The following L3MBTL4 variants were observed in gnomAD, a reference collection of about 807,000 sequenced individuals.
L3MBTL4 encodes L3MBTL histone methyl-lysine binding protein 4.
Under a neutral mutation model 84.5 loss-of-function variants are expected in L3MBTL4, and 70 were observed. The ratio of observed to expected loss-of-function variants is 0.83; its 90% CI spans 0.68 to 1.01. The LOEUF is 1.01. Among genes scored for constraint, L3MBTL4 ranks in the 50% least tolerant of loss-of-function variants. The pLI is 0.00. For synonymous variants in L3MBTL4, 274 were observed against 259.8 expected, an observed-to-expected ratio of 1.05 and a Z score of -0.52; for missense variants, 715 against 754.8, an observed-to-expected ratio of 0.95 and a Z score of 0.62.
At chr18:5,966,492 TC>T (rs2052360253) in intron 17 of L3MBTL4, among the ~76,000 whole-genome samples, 1 of 152,066 alleles carries the variant, frequency 6.6e-6, no homozygotes, top group Non-Finnish European at 1.5e-5. Context: ...TTGCGGCTCT[TC>T]TTTCCTCTTT....
intron 1 of L3MBTL4, among the ~76,000 whole-genome samples, chr18:6,313,076 A>G (rs1385990199): frequency 1.3e-5 from 2 of 152,094 alleles, no homozygotes; most frequent in African/African-American, 4.8e-5. Flanking sequence ...TCTACATTGC[A>G]TTTCTTGTGC....
At chr18:6,301,804 A>G in intron 4 of L3MBTL4, 99 bp downstream of exon 4, 1 of 882,102 alleles carries the variant, frequency 1.1e-6, no homozygotes, top group South Asian at 1.3e-5. Context: ...ATTATCACAT[A>G]TTTTAATTAA....
chr18:6,296,972 C>T (rs2050133611), intron 4 of L3MBTL4, among the ~76,000 whole-genome samples: 1 of 152,132 alleles, frequency 6.6e-6, no homozygotes, highest in Non-Finnish European at 1.5e-5. Flanking sequence ...GAGAAGCAGA[C>T]TGAACACTGG....
At chr18:6,408,366 A>G (rs1347319970) in intron 1 of L3MBTL4, among the ~76,000 whole-genome samples, 1 of 152,222 alleles carries the variant, frequency 6.6e-6, no homozygotes, top group Non-Finnish European at 1.5e-5. Flanking sequence ...TATATAGCTG[A>G]CCCCACCAGC....
At chr18:6,209,111 A>G (rs1487659109) in intron 12 of L3MBTL4, among the ~76,000 whole-genome samples, 1 of 152,208 alleles carries the variant, frequency 6.6e-6, no homozygotes, top group East Asian at 1.9e-4. Context: ...TGGCTTCTGA[A>G]TAGAAACATG....
intron 12 of L3MBTL4, among the ~76,000 whole-genome samples, chr18:6,178,917 C>T (rs2044343333): frequency 1.3e-5 from 2 of 152,176 alleles, no homozygotes; most frequent in Admixed American, 6.5e-5. Context: ...ACCCCAACGC[C>T]TCAGTCATGT....
chr18:5,999,275 T>C (rs190631504), intron 16 of L3MBTL4, among the ~76,000 whole-genome samples: 5 of 152,374 alleles, frequency 3.3e-5, no homozygotes, highest in Admixed American at 6.5e-5. Context: ...CTAGTTCAGA[T>C]GCTATCTTCT....
chr18:6,190,988 G>A (rs539956970), intron 12 of L3MBTL4, among the ~76,000 whole-genome samples: 136 of 152,306 alleles, frequency 8.9e-4, no homozygotes, highest in African/African-American at 3.1e-3. Context: ...AAGGCGGTAA[G>A]AGTTAAGGTC....
chr18:6,270,147 T>A (rs1344282473), intron 4 of L3MBTL4, among the ~76,000 whole-genome samples: 1 of 152,182 alleles, frequency 6.6e-6, no homozygotes, highest in East Asian at 1.9e-4. Flanking sequence ...TGGTACCAAC[T>A]GGAAATGATA....
rs113134961 is a variant in L3MBTL4, at chr18:6,196,320, T to G, written c.981+16829A>C. Reference sequence around the variant, plus strand: ...CTACAGGCGCCCGCCACCACGCCCGTCTAATTTTTTGTATTTTTAGTAAAG... The same window carrying G: ...CTACAGGCGCCCGCCACCACGCCCGGCTAATTTTTTGTATTTTTAGTAAAG... On this transcript the variant is annotated intron_variant, in intron 12 of 18. Coordinates refer to ENST00000317931, the MANE Select transcript of L3MBTL4 (RefSeq NM_001330559.2). 1.1e-3 allele frequency among the ~76,000 whole-genome samples: 173 copies of G among 151,636 alleles called. 1 individual carries two copies. The highest frequency in any genetic ancestry group is 3.4e-3 in the Middle Eastern group (1 of 294).
intron 10 of L3MBTL4, among the ~76,000 whole-genome samples, chr18:6,232,434 T>G (rs1323240728): frequency 1.3e-5 from 2 of 152,128 alleles, no homozygotes; most frequent in African/African-American, 4.8e-5. Flanking sequence ...CATCTTCTGT[T>G]TTTTGGAAAA....
intron 1 of L3MBTL4, among the ~76,000 whole-genome samples, chr18:6,348,510 A>G (rs2053027288): frequency 6.6e-6 from 1 of 152,172 alleles, no homozygotes; most frequent in Non-Finnish European, 1.5e-5. Context: ...ATGATCTTGA[A>G]TGAATAGTAC....
intron 4 of L3MBTL4, among the ~76,000 whole-genome samples, chr18:6,271,803 G>C (rs2048883108): frequency 6.6e-6 from 1 of 152,100 alleles, no homozygotes; most frequent in Admixed American, 6.5e-5. Context: ...CCTGGGAGAG[G>C]GTTTTCACGG....
intron 10 of L3MBTL4, among the ~76,000 whole-genome samples, chr18:6,217,880 A>G (rs1342295095): frequency 6.6e-6 from 1 of 151,840 alleles, no homozygotes; most frequent in Non-Finnish European, 1.5e-5. Context: ...CATCGTTTTT[A>G]CTTTTATATT....
chr18:6,208,040 T>C (rs1283224172), intron 12 of L3MBTL4, among the ~76,000 whole-genome samples: 1 of 151,840 alleles, frequency 6.6e-6, no homozygotes, highest in African/African-American at 2.4e-5. Flanking sequence ...TGTGAGCCCA[T>C]GGAGGTCAAG....
rs979857942 is a variant in L3MBTL4 at position 6,260,225 on chromosome 18, T to C, written c.219+3722A>G. The C allele has an allele frequency of 2.0e-5, 3 of 152,284 alleles. No individual in the cohort carries two copies. The South Asian group carries it at 6.2e-4, about 32-fold the overall frequency. The allele number at this position is 152,284 out of a possible 1,614,324, so 9.4% of individuals were successfully genotyped here. On this transcript the variant is annotated intron_variant, in intron 5 of 18. Coordinates refer to ENST00000317931, the MANE Select transcript of L3MBTL4 (RefSeq NM_001330559.2). Reference sequence around the variant, plus strand: ...TATAGTCTGAAGTCAGGTAATACGATGCTTTGTTATTTTTGCTTAGGATTG... The same window carrying C: ...TATAGTCTGAAGTCAGGTAATACGACGCTTTGTTATTTTTGCTTAGGATTG...
chr18:6,040,198 A>G (rs1411483741), intron 16 of L3MBTL4, among the ~76,000 whole-genome samples: 1 of 152,186 alleles, frequency 6.6e-6, no homozygotes, highest in African/African-American at 2.4e-5. Flanking sequence ...ATAAATAAAT[A>G]AACTTTTAAA....
chr18:6,016,723 C>T (rs560625993), intron 16 of L3MBTL4, among the ~76,000 whole-genome samples: 18 of 152,314 alleles, frequency 1.2e-4, no homozygotes, highest in African/African-American at 4.3e-4. Context: ...GCTAAGTCTA[C>T]AAAACCTATG....
intron 8 of L3MBTL4, among the ~76,000 whole-genome samples, chr18:6,240,662 C>T (rs1244169247): frequency 6.6e-6 from 1 of 152,142 alleles, no homozygotes; most frequent in Admixed American, 6.6e-5. Flanking sequence ...TCTCCTTCAG[C>T]ACATTCTATT....
Sources: gnomAD v4.1 joint callset for allele counts (sites outside exome capture counted in the v4.1 genomes callset) on GRCh38, gnomAD v4.1.1 for gene constraint, MANE v1.5 for transcripts, NCBI Gene and HGNC (gene_info 2026-07-23, HGNC 2026-07-21) for gene names.